Variants in CPT1C observed in about 807,000 individuals in gnomAD.
The protein encoded by CPT1C is carnitine palmitoyltransferase 1C.
Under a neutral mutation model 97.3 loss-of-function variants are expected in CPT1C, and 61 were observed. The observed-to-expected ratio is 0.63, with a 90% CI of 0.51 to 0.78. The LOEUF is 0.78. Among genes scored for constraint, CPT1C ranks in the 30% least tolerant of loss-of-function variants. The probability of loss-of-function intolerance (pLI) is 0.00; values close to 1 mark genes in which losing one functional copy is unlikely to be tolerated. For synonymous variants in CPT1C, 469 were observed against 447.2 expected (o/e 1.05, Z -0.61); for missense variants, 975 against 1,065.5 (o/e 0.92, Z 1.18).
In CPT1C at chr19:49,701,215, C is replaced by G. The variant is rs1002322536; in HGVS notation, c.454-102C>G. ...TGGGGTCTCCGATGCTCTTAAGTCT[C>G]TGTGTCCTTCTCTTTGGGTTTCTGT... On this transcript the variant is annotated intron_variant, in intron 5 of 19. Transcript: ENST00000598293. The G allele has an allele frequency of 2.1e-4, 192 of 918,214 alleles. No individual in the cohort carries two copies. In the Middle Eastern group the frequency reaches 4.9e-3, roughly 23 times the overall value. 56.9% of individuals were successfully genotyped at this position (918,214 alleles called of 1,614,324 possible). A position where few individuals can be genotyped will look rare whatever the true frequency, so the allele number is the denominator to read the frequency against.
chr19:49,701,551 G>A lies in CPT1C; in HGVS notation c.610G>A (p.Val204Ile). 1 of 1,612,194 alleles carries A rather than the reference G, an allele frequency of 6.2e-7. No individual in the cohort carries two copies. Among genetic ancestry groups the A allele is most frequent in the Non-Finnish European group, 8.5e-7 (1 of 1,179,006 alleles). Residue 204 changes from valine (V) to isoleucine (I), a missense_variant, in exon 7 of 20, where the codon GTC becomes ATC. Around this residue, in one of 3 missense-constraint regions of CPT1C, gnomAD observed 596 missense variants for 603.1 expected, o/e 0.99. Transcript: ENST00000598293. ...LSDEDFDWTA[V>I]LAQEFLRLQA... ...CGACGAGGACTTCGACTGGACCGCG[G>A]TCCTGGCGCAGGAATTCCTGAGGCT...
At chr19:49,712,169 C>T (rs1182733936) in intron 17 of CPT1C, 1 of 570,450 alleles carries the variant, frequency 1.8e-6, no homozygotes, top group Admixed American at 3.3e-5. Context: ...TTGGCGAAAC[C>T]CTGTCTCTAC....
At position 49,700,312 on chromosome 19, in the gene CPT1C, G is replaced by C. The variant is rs551390727; in HGVS notation, c.282-372G>C. Among the ~76,000 whole-genome samples the C allele has an allele frequency of 3.3e-5, 5 of 151,914 alleles. No individual in the cohort carries two copies. The South Asian group carries it at 1.0e-3, about 32-fold the overall frequency. On this transcript the variant is annotated intron_variant, in intron 4 of 19. Transcript: ENST00000598293. ...ACCCCACCCTGAGAGATTCTGGCTT[G>C]TTAGGTCTTAAAGGCGCCCAGGAAT...
At chr19:49,710,955 G>A (rs1423716156) in intron 16 of CPT1C, 98 bp downstream of exon 16, 81 of 1,301,274 alleles carry the variant, frequency 6.2e-5, no homozygotes, top group Non-Finnish European at 8.0e-5. Context: ...CCTCCACGAG[G>A]AGCACAAGGG....
intron 6 of CPT1C, 36 bp from the exon 7 acceptor site, chr19:49,701,461 G>T: frequency 6.3e-7 from 1 of 1,590,942 alleles, no homozygotes; most frequent in South Asian, 1.1e-5. Flanking sequence ...GGCCGGGGCG[G>T]GCCGGGGGCG....
At chr19:49,707,748 A>T in intron 13 of CPT1C, 125 bp downstream of exon 13, 1 of 586,838 alleles carries the variant, frequency 1.7e-6, no homozygotes, top group Non-Finnish European at 2.9e-6. Flanking sequence ...CATGCCTGTA[A>T]TCCCAGCATT....
rs368137235 is a variant in CPT1C, at chr19:49,713,016, T to A, written c.2178T>A (p.Asp726Glu). Residue 726 changes from aspartate to glutamate, a missense_variant, in exon 19 of 20, where the codon GAT (aspartate) becomes GAA (glutamate). Coordinates refer to ENST00000598293, the MANE Select transcript of CPT1C (RefSeq NM_001199753.2). ...GYGVSYIFMG[D>E]GMITFHISSK... ...GTGTTTCTTATATCTTCATGGGGGA[T>A]GGCATGATCACCTTCCACATCTCCA... is the stretch of plus-strand genomic sequence containing the variant. 222 of 1,613,956 alleles carry A rather than the reference T, an allele frequency of 1.4e-4. No individual in the cohort carries two copies. The highest frequency in any genetic ancestry group is 1.8e-4 in the Non-Finnish European group (214 of 1,180,002).
Position 49,713,035 on chromosome 19 carries a change from A to G in CPT1C, c.2197A>G (p.Ile733Val), listed in dbSNP as rs1283167778. The G allele has an allele frequency of 3.1e-6, 5 of 1,613,910 alleles. No homozygotes were observed. Among genetic ancestry groups the G allele is most frequent in the East Asian group, 2.2e-5 (1 of 44,874 alleles). ...GGGGGATGGCATGATCACCTTCCACATCTCCAGCAAAAAATCAAGCACAAA... is the reference window on the plus strand; with the variant it reads ...GGGGGATGGCATGATCACCTTCCACGTCTCCAGCAAAAAATCAAGCACAAA... ...FMGDGMITFH[I>V]SSKKSSTKTD... The change falls in exon 19 of 20, where the codon ATC (isoleucine) becomes GTC (valine). Residue 733 changes from isoleucine to valine, a missense_variant. Physicochemically the swap from Ile to Val is conservative, Grantham distance 29. Around this residue, in one of 3 missense-constraint regions of CPT1C, gnomAD observed 344 missense variants for 395.7 expected, o/e 0.87. Transcript: ENST00000598293.
chr19:49,712,445 A>T, intron 17 of CPT1C: 1 of 434,932 alleles, frequency 2.3e-6, no homozygotes, highest in Middle Eastern at 6.4e-4. Flanking sequence ...GCAACGGGAC[A>T]ACGGGAGCAG....
chr19:49,702,117 TTTATTTATAAA>T (rs2083192478), intron 7 of CPT1C, among the ~76,000 whole-genome samples: 1 of 105,442 alleles, frequency 9.5e-6, no homozygotes, highest in African/African-American at 3.2e-5. Context: ...TATATATTTA[TTTATTTATAAA>T]TTATAAATAA....
chr19:49,691,923 C>A, intron 2 of CPT1C, 34 bp downstream of exon 2: 1 of 342,964 alleles, frequency 2.9e-6, no homozygotes, highest in South Asian at 3.5e-5. Context: ...GTTATGTAGT[C>A]CTGGGTCGGC....
At chr19:49,711,260 A>ATTTTTTT (rs34561432) in intron 16 of CPT1C, 2 of 135,342 alleles carry the variant, frequency 1.5e-5, no homozygotes, top group Non-Finnish European at 3.1e-5. Context: ...TGCCCAGCTA[A>ATTTTTTT]TTTTTTTTTT....
chr19:49,707,628 G>T lies in CPT1C; in HGVS notation c.1449+5G>T, dbSNP rs1346309583. 1 of 1,601,574 alleles carries T rather than the reference G, an allele frequency of 6.2e-7. No individual in the cohort carries two copies. Among genetic ancestry groups the T allele is most frequent in the South Asian group, 1.1e-5 (1 of 89,994 alleles). ...ATCTCAGGACACATGTGGGAGGTAG[G>T]GCGGCCAGCCCTCCCTGGTTCTGGG... On this transcript the variant is annotated splice_donor_5th_base_variant and intron_variant, in intron 13 of 19. Coordinates refer to ENST00000598293, the MANE Select transcript of CPT1C (RefSeq NM_001199753.2).
chr19:49,696,307 A>AT (rs200549844), intron 3 of CPT1C, among the ~76,000 whole-genome samples: 2,540 of 152,304 alleles, frequency 0.017, 53 homozygotes, highest in African/African-American at 0.057. Context: ...AACGTTAGTT[A>AT]TCTCTCTGAG....
chr19:49,695,110 C>T (rs2082590105), intron 3 of CPT1C, among the ~76,000 whole-genome samples: 1 of 151,844 alleles, frequency 6.6e-6, no homozygotes, highest in South Asian at 2.1e-4. Context: ...CACTGCACTC[C>T]AGCCTGGGCA....
At chr19:49,713,357 G>T (rs2084046088) in intron 19 of CPT1C, 63 bp from the exon 20 acceptor site, 4 of 1,469,270 alleles carry the variant, frequency 2.7e-6, no homozygotes, top group Admixed American at 3.9e-5. Flanking sequence ...TAGCCCTCTT[G>T]TTTCTCAGCC....
At chr19:49,697,519 G>A in intron 4 of CPT1C, 54 bp downstream of exon 4, 3 of 1,580,650 alleles carry the variant, frequency 1.9e-6, no homozygotes, top group South Asian at 1.1e-5. Context: ...CCTTCACCCA[G>A]TAAGTTCCTC....
In CPT1C at chr19:49,705,065, A is replaced by G; in HGVS notation, c.830A>G (p.His277Arg). 1 of 1,613,284 alleles carries G rather than the reference A, an allele frequency of 6.2e-7. No individual in the cohort carries two copies. Among genetic ancestry groups the G allele is most frequent in the Non-Finnish European group, 8.5e-7 (1 of 1,179,536 alleles). The change falls in exon 9 of 20, where the codon CAT (histidine) becomes CGT (arginine). Residue 277 changes from histidine (H) to arginine (R), a missense_variant. Physicochemically the swap from His to Arg is conservative, Grantham distance 29. Around this residue, in one of 3 missense-constraint regions of CPT1C, gnomAD observed 596 missense variants for 603.1 expected, o/e 0.99. Coordinates refer to ENST00000598293, the MANE Select transcript of CPT1C (RefSeq NM_001199753.2). ...LQAARAGNAV[H>R]ALLLYRHRLN... ...GCAGCTCGCGCTGGGAATGCCGTCCATGCCCTCCTCCTGTACCGCCACCGC... is the reference window on the plus strand; with the variant it reads ...GCAGCTCGCGCTGGGAATGCCGTCCGTGCCCTCCTCCTGTACCGCCACCGC...
intron 17 of CPT1C, chr19:49,712,511 G>T: frequency 1.8e-6 from 1 of 566,102 alleles, no homozygotes; most frequent in South Asian, 2.0e-5. Context: ...GTGGTCAGAG[G>T]AGGGGCGTGG....
Sources: allele counts gnomAD v4.1 joint callset (sites outside exome capture counted in the v4.1 genomes callset), GRCh38; gene constraint gnomAD v4.1.1; regional missense constraint gnomAD v4.1.1; transcripts MANE v1.5; gene names NCBI Gene and HGNC (gene_info 2026-07-23, HGNC 2026-07-21).